The following CWC27 variants were observed in gnomAD, a reference collection of about 807,000 sequenced individuals.
The protein encoded by CWC27 is spliceosome-associated protein CWC27 homolog.
Under a neutral mutation model 63.6 loss-of-function variants are expected in CWC27, and 47 were observed. The observed-to-expected ratio is 0.74, with a 90% CI of 0.58 to 0.94. CWC27 has a LOEUF of 0.94. Ranked by LOEUF, CWC27 falls within the 40% of genes least tolerant of loss-of-function variation. CWC27 has a pLI of 0.00. For missense variants in CWC27, 495 were observed against 554.3 expected, an observed-to-expected ratio of 0.89 and a Z score of 1.07; for synonymous variants, 175 against 179.8, an observed-to-expected ratio of 0.97 and a Z score of 0.22.
chr5:64,939,115 A>C (rs1421115784), intron 11 of CWC27, among the ~76,000 whole-genome samples: 1 of 152,162 alleles, frequency 6.6e-6, no homozygotes, highest in African/African-American at 2.4e-5. Flanking sequence ...CTGTCAATTC[A>C]TCAAACTCAT....
At chr5:64,832,726 A>G (rs866957012) in intron 10 of CWC27, among the ~76,000 whole-genome samples, 94 of 151,958 alleles carry the variant, frequency 6.2e-4, no homozygotes, top group African/African-American at 2.2e-3. Flanking sequence ...GTGAGCAGAG[A>G]CAAATACAAT....
At position 64,916,897 on chromosome 5, in the gene CWC27, G is replaced by T. The variant is rs369020915; in HGVS notation, c.1042+31351G>T. On this transcript the variant is annotated intron_variant, in intron 11 of 13. Coordinates refer to ENST00000381070, the MANE Select transcript of CWC27 (RefSeq NM_005869.4). The stretch of plus-strand genomic sequence containing the variant: ...GGCAGTAGTAGTATTAGTAGTAGTA[G>T]TAGTAGTAGTAGTAGTAGTAGTAGT... Among the ~76,000 whole-genome samples the T allele has an allele frequency of 8.1e-3, 1,186 of 146,204 alleles. 17 individuals are homozygous for T. The highest frequency in any genetic ancestry group is 0.028 in the Middle Eastern group (8 of 286).
intron 2 of CWC27, among the ~76,000 whole-genome samples, chr5:64,776,068 C>CAAGA (rs1743431819): frequency 1.8e-5 from 2 of 108,556 alleles, no homozygotes; most frequent in Non-Finnish European, 3.7e-5. Flanking sequence ...AGGAGTGGAG[C>CAAGA]GAGAGAGAGA....
At chr5:64,861,349 A>T (rs1383434256) in intron 10 of CWC27, among the ~76,000 whole-genome samples, 1 of 151,872 alleles carries the variant, frequency 6.6e-6, no homozygotes, top group African/African-American at 2.4e-5. Context: ...TATATATATA[A>T]AACCAATCTT....
chr5:64,799,602 A>ATATATATATATATATATATG (rs143997810), intron 7 of CWC27, among the ~76,000 whole-genome samples: 1,503 of 132,768 alleles, frequency 0.011, 110 homozygotes, highest in African/African-American at 0.041. Context: ...ATATATATAT[A>ATATATATATATATATATATG]CTTAATAGCA....
chr5:64,874,154 C>CTTTTTTTTTTTTTTTTTTTTTTTT (rs748768571), intron 10 of CWC27, among the ~76,000 whole-genome samples: 1 of 48,776 alleles, frequency 2.1e-5, no homozygotes, highest in Non-Finnish European at 3.5e-5. Flanking sequence ...ATTGTTGATG[C>CTTTTTTTTTTTTTTTTTTTTTTTT]TTTTTTTTTT....
At chr5:64,966,037 A>G (rs1469660918) in intron 11 of CWC27, among the ~76,000 whole-genome samples, 1 of 152,178 alleles carries the variant, frequency 6.6e-6, no homozygotes. Context: ...ATTGATACAT[A>G]CATTAAAGTT....
At chr5:64,785,705 T>C in intron 5 of CWC27, 126 bp downstream of exon 5, 1 of 532,406 alleles carries the variant, frequency 1.9e-6, no homozygotes, top group Non-Finnish European at 3.3e-6. Context: ...AAATTTTATC[T>C]CTAATTTATT....
At chr5:65,002,414 T>A (rs192373288) in intron 13 of CWC27, among the ~76,000 whole-genome samples, 66 of 152,272 alleles carry the variant, frequency 4.3e-4, no homozygotes, top group African/African-American at 1.5e-3. Context: ...ACTTTTTTGA[T>A]GTTGGTGATT....
chr5:64,972,739 GACTC>G, intron 12 of CWC27: 1 of 443,654 alleles, frequency 2.3e-6, no homozygotes. Flanking sequence ...TACTAAGGAT[GACTC>G]ATTCATTCAT....
chr5:64,970,954 AGG>A (rs1340663343), intron 11 of CWC27, among the ~76,000 whole-genome samples: 4 of 122,992 alleles, frequency 3.3e-5, no homozygotes, highest in Admixed American at 9.1e-5. Flanking sequence ...AGAGAGAGAG[AGG>A]GAGTGTGTGT....
chr5:64,781,906 TTA>T lies in CWC27; in HGVS notation c.140-13_140-12del. 1 of 1,358,506 alleles carries T rather than the reference TTA, an allele frequency of 7.4e-7. No individual in the cohort carries two copies. The highest frequency in any genetic ancestry group is 2.3e-5 in the East Asian group (1 of 43,006). 84.2% of individuals were successfully genotyped at this position (1,358,506 alleles called of 1,614,324 possible). On this transcript the variant is annotated splice_polypyrimidine_tract_variant and intron_variant, in intron 2 of 13. Coordinates refer to ENST00000381070, the MANE Select transcript of CWC27 (RefSeq NM_005869.4). ...AATTTTAGACATTGATAAATTATTT[TTA>T]TTTTTTTTTCAGCTTATTATGACAA...
intron 5 of CWC27, 64 bp from the exon 6 acceptor site, chr5:64,786,460 G>C (rs770157681): frequency 2.3e-5 from 21 of 932,594 alleles, no homozygotes; most frequent in Non-Finnish European, 3.1e-5. Flanking sequence ...AATTACATAC[G>C]GGGTTTGATT....
intron 7 of CWC27, among the ~76,000 whole-genome samples, chr5:64,795,343 A>G (rs1359771076): frequency 6.6e-6 from 1 of 152,176 alleles, no homozygotes; most frequent in Non-Finnish European, 1.5e-5. Context: ...AACATATTTT[A>G]TTAATTTCGT....
chr5:65,010,451 A>G lies in CWC27; in HGVS notation c.1257-7708A>G, dbSNP rs576148621. ...CTAAAAAACTTAAATCAGATTCATTAAAGTTTGTAATCCACAGTCCCATAG... is the reference window on the plus strand; with the variant it reads ...CTAAAAAACTTAAATCAGATTCATTGAAGTTTGTAATCCACAGTCCCATAG... On this transcript the variant is annotated intron_variant, in intron 13 of 13. Transcript: ENST00000381070. 4.5e-4 allele frequency among the ~76,000 whole-genome samples: 68 copies of G among 152,342 alleles called. 1 individual carries two copies. Among genetic ancestry groups the G allele is most frequent in the African/African-American group, 1.6e-3 (67 of 41,586 alleles).
At chr5:64,851,728 A>G (rs1746137904) in intron 10 of CWC27, among the ~76,000 whole-genome samples, 1 of 152,216 alleles carries the variant, frequency 6.6e-6, no homozygotes, top group Non-Finnish European at 1.5e-5. Flanking sequence ...AAAGGCATCA[A>G]ACTTAGCTAT....
chr5:64,918,865 C>A (rs1465494917), intron 11 of CWC27, among the ~76,000 whole-genome samples: 1 of 152,180 alleles, frequency 6.6e-6, no homozygotes, highest in Non-Finnish European at 1.5e-5. Flanking sequence ...CCACCCACCT[C>A]CACGTCCATC....
intron 13 of CWC27, among the ~76,000 whole-genome samples, chr5:64,995,263 C>T (rs986805758): frequency 1.3e-5 from 2 of 152,094 alleles, no homozygotes; most frequent in Non-Finnish European, 2.9e-5. Flanking sequence ...TGAGCCACGG[C>T]GCCTGGCCTA....
At chr5:64,990,054 G>A (rs909970766) in intron 13 of CWC27, among the ~76,000 whole-genome samples, 1 of 151,826 alleles carries the variant, frequency 6.6e-6, no homozygotes, top group Non-Finnish European at 1.5e-5. Flanking sequence ...AATCTCTAAG[G>A]AAGTCTATCT....
Sources: gnomAD v4.1 joint callset for allele counts (sites outside exome capture counted in the v4.1 genomes callset) on GRCh38, gnomAD v4.1.1 for gene constraint, MANE v1.5 for transcripts, NCBI Gene and HGNC (gene_info 2026-07-23, HGNC 2026-07-21) for gene names.